COL18A1: variants seen among roughly 807,000 people sequenced by gnomAD.
The protein encoded by COL18A1 is collagen type XVIII alpha 1 chain, also known as collagen alpha-1(XVIII) chain.
A neutral mutation model predicts 168.0 loss-of-function variants in COL18A1; 133 were observed. That is an observed-to-expected ratio of 0.79 (90% CI 0.69 to 0.91). COL18A1 has a LOEUF of 0.91. Among genes scored for constraint, COL18A1 ranks in the 40% least tolerant of loss-of-function variants. COL18A1 has a pLI of 0.00. For synonymous variants in COL18A1, 949 were observed against 809.0 expected (o/e 1.17, Z -2.94); for missense variants, 2,126 against 1,925.4 (o/e 1.10, Z -1.95).
chr21:45,405,560 C>CCCGCCCCGGCCGCTCTGGGTT, intron 2 of COL18A1, 87 bp downstream of exon 2: 1 of 804,874 alleles, frequency 1.2e-6, no homozygotes, highest in Non-Finnish European at 1.6e-6. Context: ...CTCCCTCACC[C>CCCGCCCCGGCCGCTCTGGGTT]CCGCCCCGGC....
At chr21:45,451,449 G>A (rs1323021197) in intron 2 of COL18A1, among the ~76,000 whole-genome samples, 2 of 152,188 alleles carry the variant, frequency 1.3e-5, no homozygotes, top group African/African-American at 2.4e-5. Context: ...GGGGCCCTGG[G>A]GACACAGCTG....
intron 2 of COL18A1, among the ~76,000 whole-genome samples, chr21:45,446,310 A>G (rs192772969): frequency 6.6e-6 from 1 of 152,316 alleles, no homozygotes; most frequent in African/African-American, 2.4e-5. Context: ...CCACTCCCAC[A>G]CTGTCCTGTT....
At position 45,504,462 on chromosome 21, in the gene COL18A1, G is replaced by A. The variant is rs770239817; in HGVS notation, c.2774G>A (p.Gly925Glu). Residue 925 changes from glycine to glutamate, a missense_variant, in exon 34 of 42, where the codon GGG becomes GAG. Transcript: ENST00000651438. Reference sequence around the variant, plus strand: ...GATGCAGGACAGAAAGGCGAAAGGGGGGAGCCCGGGGGCGGCGGTTTCTTC... The same window carrying A: ...GATGCAGGACAGAAAGGCGAAAGGGAGGAGCCCGGGGGCGGCGGTTTCTTC... ...RGDAGQKGERGEPGGGGFFGS... is the reference protein window; with the variant it reads ...RGDAGQKGEREEPGGGGFFGS... The A allele has an allele frequency of 1.2e-6, 2 of 1,610,714 alleles. No homozygotes were observed. The highest frequency in any genetic ancestry group is 1.7e-6 in the Non-Finnish European group (2 of 1,178,956).
chr21:45,484,030 C>T (rs2035993528), intron 15 of COL18A1, among the ~76,000 whole-genome samples: 2 of 132,898 alleles, frequency 1.5e-5, no homozygotes, highest in African/African-American at 5.8e-5. Context: ...TACACATGCA[C>T]ACACACACCT....
In COL18A1 at chr21:45,468,914, C is replaced by T. The variant is rs147545533; in HGVS notation, c.651+128C>T. The T allele has an allele frequency of 1.2e-3, 1,218 of 1,037,756 alleles. 9 individuals carry two copies. The African/African-American group carries it at 0.015, about 13-fold the overall frequency. The allele number at this position is 1,037,756 out of a possible 1,614,324, so 64.3% of individuals were successfully genotyped here. A position where few individuals can be genotyped will look rare whatever the true frequency, so the allele number is the denominator to read the frequency against. On this transcript the variant is annotated intron_variant, in intron 3 of 41. Coordinates refer to ENST00000651438, the MANE Select transcript of COL18A1 (RefSeq NM_001379500.1). ...GCCCCCACCCCAGCTGTGGTCAGCC[C>T]GGGCCTCCAGCGCAGGCCTCCTGGG...
At chr21:45,446,642 A>G (rs754809546) in intron 2 of COL18A1, among the ~76,000 whole-genome samples, 5 of 152,214 alleles carry the variant, frequency 3.3e-5, no homozygotes, top group South Asian at 4.1e-4. Flanking sequence ...ATGCTTCTCA[A>G]TTCATTTTAT....
At chr21:45,438,469 G>C (rs1377933256) in intron 2 of COL18A1, among the ~76,000 whole-genome samples, 2 of 152,248 alleles carry the variant, frequency 1.3e-5, no homozygotes, top group African/African-American at 4.8e-5. Context: ...GCCTGGGCAC[G>C]GAGTGCCGGT....
At chr21:45,487,160 G>T (rs555523471) in intron 16 of COL18A1, among the ~76,000 whole-genome samples, 168 bp downstream of exon 16, 1 of 152,174 alleles carries the variant, frequency 6.6e-6, no homozygotes, top group Admixed American at 6.5e-5. Flanking sequence ...CGAGTCTCTC[G>T]CCCGTCGCCC....
rs1178435583 is a variant in COL18A1 at position 45,423,093 on chromosome 21, T to C, written c.106+17620T>C. Among the ~76,000 whole-genome samples, 1 of 152,138 alleles carries C rather than the reference T, an allele frequency of 6.6e-6. No individual in the cohort carries two copies. Among genetic ancestry groups the C allele is most frequent in the Non-Finnish European group, 1.5e-5 (1 of 68,016 alleles). ...CTTCCCAGAGTGTTGGGATTATAGG[T>C]GTGAGCCACCGCACCCGGCCGAAGT... is the stretch of plus-strand genomic sequence containing the variant. On this transcript the variant is annotated intron_variant, in intron 2 of 41. Transcript: ENST00000651438. This position sits in a 1 kb window ranked among gnomAD's most constrained non-coding sequence, Gnocchi z 4.0.
intron 36 of COL18A1, 102 bp downstream of exon 36, chr21:45,505,533 A>C: frequency 1.4e-6 from 1 of 734,286 alleles, no homozygotes; most frequent in Non-Finnish European, 2.4e-6. Flanking sequence ...CCACAGGGAG[A>C]TATACAGGAG....
intron 18 of COL18A1, among the ~76,000 whole-genome samples, chr21:45,488,786 G>A (rs1016551992): frequency 1.3e-5 from 2 of 152,098 alleles, no homozygotes; most frequent in Non-Finnish European, 2.9e-5. Flanking sequence ...CAGCCTCAGG[G>A]ACAGGTGGAC....
In COL18A1 at chr21:45,497,661, G is replaced by C; in HGVS notation, c.2683G>C (p.Gly895Arg). ...KGEVGPPGPPGQFPFDFLQLE... is the reference protein window; with the variant it reads ...KGEVGPPGPPRQFPFDFLQLE... Reference sequence around the variant, plus strand: ...AGAAGTGGGCCCCCCCGGACCACCAGGTGAGCAACTCTGGACATCCCAGGC... The same window carrying C: ...AGAAGTGGGCCCCCCCGGACCACCACGTGAGCAACTCTGGACATCCCAGGC... The change falls in exon 32 of 42, where the codon GGG becomes CGG. Residue 895 changes from glycine (G) to arginine (R), a missense_variant and splice_region_variant. Transcript: ENST00000651438. The C allele has an allele frequency of 6.4e-7, 1 of 1,566,052 alleles. No homozygotes were observed.
intron 3 of COL18A1, among the ~76,000 whole-genome samples, chr21:45,469,221 G>A (rs2035325184): frequency 1.3e-5 from 2 of 152,222 alleles, no homozygotes; most frequent in African/African-American, 4.8e-5. Flanking sequence ...GCCTCTGACC[G>A]GCCGGTCGGG....
intron 2 of COL18A1, 84 bp from the exon 3 acceptor site, chr21:45,468,158 T>C: frequency 1.4e-6 from 2 of 1,463,628 alleles, no homozygotes; most frequent in Non-Finnish European, 1.9e-6. Flanking sequence ...TTTCTGCCCC[T>C]GCCTGGCTGC....
intron 17 of COL18A1, 145 bp from the exon 18 acceptor site, chr21:45,488,273 G>A (rs1326173896): frequency 2.9e-6 from 3 of 1,032,356 alleles, no homozygotes; most frequent in African/African-American, 3.1e-5. Flanking sequence ...AAGTTAGAAT[G>A]GCTTTACCAT....
At chr21:45,491,084 G>T in intron 21 of COL18A1, 141 bp from the exon 22 acceptor site, 3 of 857,056 alleles carry the variant, frequency 3.5e-6, no homozygotes, top group Non-Finnish European at 5.8e-6. Flanking sequence ...CTGGCAGGGG[G>T]CTCCAAGGCC....
At chr21:45,433,625 T>G (rs899552479) in intron 2 of COL18A1, among the ~76,000 whole-genome samples, 1 of 152,218 alleles carries the variant, frequency 6.6e-6, no homozygotes, top group African/African-American at 2.4e-5. Flanking sequence ...AGAACACCTT[T>G]TGAAGTCACC....
intron 2 of COL18A1, among the ~76,000 whole-genome samples, chr21:45,410,488 A>G (rs2123501721): frequency 6.6e-6 from 1 of 152,298 alleles, no homozygotes; most frequent in East Asian, 1.9e-4. Flanking sequence ...GAGGAAGGCC[A>G]GTGGGAACGG....
chr21:45,505,596 G>GT (rs576791727), intron 36 of COL18A1, among the ~76,000 whole-genome samples, 165 bp downstream of exon 36: 208 of 152,236 alleles, frequency 1.4e-3, no homozygotes, highest in African/African-American at 4.6e-3. Flanking sequence ...GGGGAATCAG[G>GT]TGGACCCAGG....
Sources: gnomAD v4.1 joint callset for allele counts (sites outside exome capture counted in the v4.1 genomes callset) on GRCh38, gnomAD v4.1.1 for gene constraint, Gnocchi (gnomAD v3.1) non-coding constraint, MANE v1.5 for transcripts, NCBI Gene and HGNC (gene_info 2026-07-23, HGNC 2026-07-21) for gene names.